CC2D2B: variants seen among roughly 807,000 people sequenced by gnomAD.
CC2D2B encodes the protein coiled-coil and C2 domain containing 2B.
A neutral mutation model predicts 161.2 loss-of-function variants in CC2D2B; 128 were observed. That is an observed-to-expected ratio of 0.79 (90% CI 0.69 to 0.92). The LOEUF (loss-of-function observed/expected upper bound fraction) is 0.92. Among genes scored for constraint, CC2D2B ranks in the 40% least tolerant of loss-of-function variants. The pLI is 0.00. For missense variants in CC2D2B, 1,173 were observed against 1,375.1 expected, an observed-to-expected ratio of 0.85 and a Z score of 2.32; for synonymous variants, 391 against 449.8, an observed-to-expected ratio of 0.87 and a Z score of 1.65.
chr10:96,005,485 GCTGAGCC>G (rs2078705383), intron 25 of CC2D2B, among the ~76,000 whole-genome samples: 1 of 152,048 alleles, frequency 6.6e-6, no homozygotes, highest in Non-Finnish European at 1.5e-5. Context: ...CTAGAGCCAG[GCTGAGCC>G]CCGAGATAGC....
chr10:95,981,521 G>A (rs547404543), intron 17 of CC2D2B, among the ~76,000 whole-genome samples: 1 of 151,530 alleles, frequency 6.6e-6, no homozygotes, highest in Non-Finnish European at 1.5e-5. Context: ...TAGCCTAAAT[G>A]TGGTTTTTAT....
chr10:95,926,995 A>G (rs1056351682), intron 5 of CC2D2B, among the ~76,000 whole-genome samples: 42 of 152,132 alleles, frequency 2.8e-4, no homozygotes, highest in African/African-American at 9.9e-4. Flanking sequence ...GGGAAGATGG[A>G]GAAGATTCTG....
chr10:95,918,715 C>G (rs2098521137), intron 2 of CC2D2B, among the ~76,000 whole-genome samples: 1 of 152,206 alleles, frequency 6.6e-6, no homozygotes, highest in Non-Finnish European at 1.5e-5. Flanking sequence ...GTCTCTCTCT[C>G]TACCTCTTCT....
intron 18 of CC2D2B, 45 bp from the exon 19 acceptor site, chr10:95,983,561 A>G (rs1396664955): frequency 1.0e-6 from 1 of 978,280 alleles, no homozygotes; most frequent in Non-Finnish European, 1.3e-6. Context: ...TAATTCCTGA[A>G]TTAAAAAAAA....
At position 96,031,933 on chromosome 10, in the gene CC2D2B, T is replaced by C; in HGVS notation, c.4239T>C (p.Ala1413=). 2 of 1,613,860 alleles carry C rather than the reference T, an allele frequency of 1.2e-6. No homozygotes were observed. The highest frequency in any genetic ancestry group is 8.5e-7 in the Non-Finnish European group (1 of 1,179,770). ...AEFPQTEFAL[A]VYIHPYPNNI... is the part of the protein sequence containing the mutation. ...TTCCCCAGACAGAATTTGCTTTAGC[T>C]GTATACATTCACCCATACCCAAACA... Residue 1413 remains alanine, a synonymous_variant, in exon 35 of 35, where the codon GCT becomes GCC. Transcript: ENST00000646931.
chr10:96,003,521 C>A (rs577130198), intron 24 of CC2D2B, among the ~76,000 whole-genome samples: 1 of 151,612 alleles, frequency 6.6e-6, no homozygotes, highest in South Asian at 2.1e-4. Context: ...CGGGTTCAAG[C>A]GATTCTCCTG....
intron 24 of CC2D2B, among the ~76,000 whole-genome samples, chr10:95,997,931 A>T (rs974128857): frequency 7.9e-5 from 12 of 152,182 alleles, no homozygotes; most frequent in African/African-American, 2.4e-4. Context: ...TTATATCAAT[A>T]TACACTCCCA....
chr10:95,962,603 A>C (rs1015832673), intron 12 of CC2D2B, among the ~76,000 whole-genome samples: 2 of 152,088 alleles, frequency 1.3e-5, no homozygotes, highest in African/African-American at 4.8e-5. Flanking sequence ...TTCAAACCCA[A>C]ACACTTAAGC....
intron 12 of CC2D2B, among the ~76,000 whole-genome samples, chr10:95,962,384 A>C (rs1459069406): frequency 1.3e-5 from 2 of 152,186 alleles, no homozygotes; most frequent in Non-Finnish European, 1.5e-5. Context: ...AAAGGAAAGA[A>C]AAGACAAGAC....
chr10:95,938,640 A>C lies in CC2D2B; in HGVS notation c.607A>C (p.Arg203=). Residue 203 remains arginine, a synonymous_variant, in exon 8 of 35, where the codon AGA becomes CGA. Transcript: ENST00000646931. ...AGAAGATGAAGGATTCTATATTCAG[A>C]GAAAGCCAGAAATATACAAAAAGAC... ...ILEDEGFYIQ[R]KPEIYKKTCN... 1.4e-6 allele frequency: 1 copy of C among 714,636 alleles called. No individual in the cohort carries two copies. Among genetic ancestry groups the C allele is most frequent in the Non-Finnish European group, 2.6e-6 (1 of 384,270 alleles). 44.3% of individuals were successfully genotyped at this position (714,636 alleles called of 1,614,324 possible).
At chr10:96,006,459 G>A (rs973274232) in intron 25 of CC2D2B, among the ~76,000 whole-genome samples, 3 of 151,626 alleles carry the variant, frequency 2.0e-5, no homozygotes, top group African/African-American at 4.8e-5. Flanking sequence ...TGTTTGAAAG[G>A]CTTTTGTGTA....
At chr10:95,936,404 A>C (rs1216108647) in intron 6 of CC2D2B, among the ~76,000 whole-genome samples, 1 of 152,190 alleles carries the variant, frequency 6.6e-6, no homozygotes, top group African/African-American at 2.4e-5. Context: ...TCATCTGGGC[A>C]ACCCAGAGTG....
chr10:96,027,372 ATAC>A lies in CC2D2B; in HGVS notation c.4112_4114del (p.Leu1371del), dbSNP rs1265533605. 1.9e-6 allele frequency: 3 copies of A among 1,546,774 alleles called. No homozygotes were observed. The East Asian group carries it at 7.3e-5, about 38-fold the overall frequency. On this transcript the variant is annotated inframe_deletion, in exon 34 of 35. Coordinates refer to ENST00000646931, the MANE Select transcript of CC2D2B (RefSeq NM_001349008.3). ...TGAAGGAGATAATGAATTTGAAAGAATACTACAATTTTATTGGGTTTGTATATG... is the reference window on the plus strand; with the variant it reads ...TGAAGGAGATAATGAATTTGAAAGAATACAATTTTATTGGGTTTGTATATG...
intron 22 of CC2D2B, among the ~76,000 whole-genome samples, chr10:95,993,942 GTATGTATGTGTATA>G (rs1195197004): frequency 5.9e-4 from 15 of 25,376 alleles, no homozygotes; most frequent in Admixed American, 1.7e-3. Flanking sequence ...GTGTGTGTGT[GTATGTATGTGTATA>G]TATATATATA....
chr10:95,916,177 T>G (rs541131854), intron 2 of CC2D2B, among the ~76,000 whole-genome samples: 2 of 152,282 alleles, frequency 1.3e-5, no homozygotes, highest in African/African-American at 4.8e-5. Flanking sequence ...GTTTTTAAAT[T>G]TATTGGCATA....
intron 33 of CC2D2B, among the ~76,000 whole-genome samples, chr10:96,025,185 A>ATATATATATATATAT (rs1491443122): frequency 1.2e-4 from 2 of 16,272 alleles, no homozygotes; most frequent in Admixed American, 7.7e-4. Flanking sequence ...ATATATATAT[A>ATATATATATATATAT]AAAAAAAATA....
chr10:95,917,474 C>T (rs780419645), intron 2 of CC2D2B, among the ~76,000 whole-genome samples: 2 of 151,896 alleles, frequency 1.3e-5, no homozygotes, highest in African/African-American at 2.4e-5. Context: ...TCCGTCCATC[C>T]GTCCGTCTGT....
chr10:96,029,278 A>C lies in CC2D2B; in HGVS notation c.4125+1889A>C, dbSNP rs1425913525. On this transcript the variant is annotated intron_variant, in intron 34 of 34. Transcript: ENST00000646931. ...TATATATATATATATATATATATAT[A>C]TATATATGTATATATATATATATAT... Among the ~76,000 whole-genome samples the C allele has an allele frequency of 8.3e-5, 5 of 60,086 alleles. No individual in the cohort carries two copies. The South Asian group carries it at 1.6e-3, about 19-fold the overall frequency. The allele number at this position is 60,086 out of a possible 152,430, so 39.4% of individuals were successfully genotyped here.
At chr10:96,021,822 T>C (rs936592525) in intron 32 of CC2D2B, among the ~76,000 whole-genome samples, 2 of 152,248 alleles carry the variant, frequency 1.3e-5, no homozygotes, top group African/African-American at 4.8e-5. Flanking sequence ...CTGTCTGTAG[T>C]ATCTTACTTA....
Sources: allele counts gnomAD v4.1 joint callset (sites outside exome capture counted in the v4.1 genomes callset), GRCh38; gene constraint gnomAD v4.1.1; transcripts MANE v1.5; gene names NCBI Gene and HGNC (gene_info 2026-07-23, HGNC 2026-07-21).